The following KCNN2 variants were observed in gnomAD, a reference collection of about 807,000 sequenced individuals.
The protein encoded by KCNN2 is small conductance calcium-activated potassium channel protein 2.
In KCNN2, 24 loss-of-function variants were observed where a neutral mutation model predicts 55.5. The observed-to-expected ratio is 0.43, with a 90% CI of 0.31 to 0.61. The LOEUF is 0.61. Ranked by LOEUF, KCNN2 falls within the 20% of genes least tolerant of loss-of-function variation. KCNN2 has a pLI of 0.08. For synonymous variants in KCNN2, 431 were observed against 336.1 expected (o/e 1.28, Z -3.09); for missense variants, 754 against 853.6 (o/e 0.88, Z 1.45).
chr5:114,254,617 A>G (rs1017808576), intron 2 of KCNN2, among the ~76,000 whole-genome samples: 2 of 152,180 alleles, frequency 1.3e-5, no homozygotes, highest in Middle Eastern at 3.2e-3. Context: ...TTCAGAAAAA[A>G]AGTAATCCTA....
chr5:114,278,257 T>C (rs188290260), intron 2 of KCNN2, among the ~76,000 whole-genome samples: 5 of 152,300 alleles, frequency 3.3e-5, no homozygotes, highest in Admixed American at 2.0e-4. Context: ...ATGAGGTATC[T>C]GTTGGCCCCT....
chr5:114,448,180 A>G (rs1350306487), intron 3 of KCNN2, among the ~76,000 whole-genome samples: 1 of 152,140 alleles, frequency 6.6e-6, no homozygotes, highest in Non-Finnish European at 1.5e-5. Flanking sequence ...CAGCTCCCCT[A>G]TCTCATCCTT....
At chr5:114,357,143 A>G (rs1240255905), upstream of KCNN2, among the ~76,000 whole-genome samples, 1 of 152,140 alleles carries the variant, frequency 6.6e-6, no homozygotes, top group East Asian at 1.9e-4. Flanking sequence ...GAATTTGGAA[A>G]TATACCAAAA....
chr5:114,270,885 G>A (rs1365739479), intron 2 of KCNN2, among the ~76,000 whole-genome samples: 1 of 152,160 alleles, frequency 6.6e-6, no homozygotes, highest in East Asian at 1.9e-4. Context: ...CTTCCTTCGG[G>A]TGGGTTCGTG....
At chr5:114,483,595 G>C (rs569535441) in intron 5 of KCNN2, among the ~76,000 whole-genome samples, 1 of 152,042 alleles carries the variant, frequency 6.6e-6, no homozygotes, top group Non-Finnish European at 1.5e-5. Context: ...ATATATTTTA[G>C]AGCCTTTGCT....
intron 1 of KCNN2, among the ~76,000 whole-genome samples, chr5:114,186,695 A>G (rs2112558426): frequency 6.6e-6 from 1 of 152,316 alleles, no homozygotes; most frequent in East Asian, 1.9e-4. Flanking sequence ...TTATTTGGAA[A>G]TTATACGTGA....
intron 6 of KCNN2, among the ~76,000 whole-genome samples, chr5:114,490,263 G>C (rs778721693): frequency 6.6e-6 from 1 of 152,070 alleles, no homozygotes; most frequent in African/African-American, 2.4e-5. Context: ...GAAACCCCAG[G>C]CTTCTGAGTT....
chr5:114,482,826 TGAG>T (rs1275321242), intron 5 of KCNN2, among the ~76,000 whole-genome samples: 1 of 152,076 alleles, frequency 6.6e-6, no homozygotes, highest in Non-Finnish European at 1.5e-5. Context: ...AGCTGAATGA[TGAG>T]AATACATGGA....
chr5:114,187,663 A>C (rs1183144512), intron 1 of KCNN2, among the ~76,000 whole-genome samples: 2 of 150,606 alleles, frequency 1.3e-5, no homozygotes, highest in East Asian at 3.9e-4. Context: ...CCACCACTGC[A>C]CCCGGCTAAT....
chr5:114,336,041 C>T (rs778364445), intron 2 of KCNN2, among the ~76,000 whole-genome samples: 3 of 152,116 alleles, frequency 2.0e-5, no homozygotes, highest in African/African-American at 4.8e-5. Context: ...AAAATTGATC[C>T]CTTGAAGACA....
In KCNN2 at chr5:114,320,420, T is replaced by C. The variant is rs577896453; in HGVS notation, c.-184-40525T>C. On this transcript the variant is annotated intron_variant, in intron 2 of 10. Coordinates refer to the KCNN2 transcript ENST00000512097. ...TGAGGTCAGGAGATCAAGACCATCC[T>C]GGCTAACATGGTGAAACACCGTCTC... 4.4e-4 allele frequency among the ~76,000 whole-genome samples: 67 copies of C among 152,202 alleles called. 1 individual carries two copies. Among genetic ancestry groups the C allele is most frequent in the Non-Finnish European group, 1.6e-4 (11 of 67,992 alleles).
At chr5:114,202,587 T>A (rs868582767) in intron 1 of KCNN2, among the ~76,000 whole-genome samples, 2,180 of 87,954 alleles carry the variant, frequency 0.025, 16 homozygotes, top group Non-Finnish European at 0.035. Context: ...ATATATATAT[T>A]TTTTTTTTTT....
intron 1 of KCNN2, among the ~76,000 whole-genome samples, chr5:114,196,301 G>C (rs2112567681): frequency 6.6e-6 from 1 of 151,908 alleles, no homozygotes; most frequent in South Asian, 2.1e-4. Flanking sequence ...TAACATCTGT[G>C]TTCATAAGGG....
At chr5:114,451,066 A>T (rs1760653005) in intron 3 of KCNN2, among the ~76,000 whole-genome samples, 1 of 152,250 alleles carries the variant, frequency 6.6e-6, no homozygotes, top group Non-Finnish European at 1.5e-5. Context: ...TGAAAGTTAT[A>T]TAGGTGTAAG....
intron 1 of KCNN2, among the ~76,000 whole-genome samples, chr5:114,195,685 C>T (rs1753541280): frequency 6.6e-6 from 1 of 151,824 alleles, no homozygotes; most frequent in African/African-American, 2.4e-5. Flanking sequence ...TTTTTATTGG[C>T]TAATTACTAT....
chr5:114,206,671 C>T (rs985300107), intron 1 of KCNN2, among the ~76,000 whole-genome samples: 6 of 152,116 alleles, frequency 3.9e-5, no homozygotes, highest in Admixed American at 6.6e-5. Flanking sequence ...TTCTTTCTCC[C>T]CTGACTCCAG....
intron 2 of KCNN2, among the ~76,000 whole-genome samples, chr5:114,335,055 C>G (rs1756896700): frequency 6.6e-6 from 1 of 152,154 alleles, no homozygotes; most frequent in South Asian, 2.1e-4. Flanking sequence ...TCCCGAGTAG[C>G]TGGGACTACA....
chr5:114,115,489 C>T (rs530992376), intron 1 of KCNN2, among the ~76,000 whole-genome samples: 10 of 152,024 alleles, frequency 6.6e-5, no homozygotes, highest in Non-Finnish European at 1.3e-4. Flanking sequence ...CCTACCTAAT[C>T]GCTTGGGTAA....
chr5:114,362,655 C>T lies in KCNN2; in HGVS notation c.516C>T (p.Ser172=). The change falls in exon 1 of 8, where the codon AGC becomes AGT. Residue 172 remains serine, a synonymous_variant. Coordinates refer to ENST00000673685, the MANE Select transcript of KCNN2 (RefSeq NM_021614.4). ...SLQPAASPTG[S]LGSLGSGPPL... is the part of the protein sequence containing the mutation. ...AGCCCGCCGCCAGCCCCACGGGCAG[C>T]CTCGGCAGTCTGGGCTCCGGGCCCC... The T allele has an allele frequency of 7.4e-7, 1 of 1,351,348 alleles. No individual in the cohort carries two copies. Among genetic ancestry groups the T allele is most frequent in the Non-Finnish European group, 9.7e-7 (1 of 1,025,674 alleles). 83.7% of individuals were successfully genotyped at this position (1,351,348 alleles called of 1,614,324 possible). A position where few individuals can be genotyped will look rare whatever the true frequency, so the allele number is the denominator to read the frequency against.
Sources: allele counts gnomAD v4.1 joint callset (sites outside exome capture counted in the v4.1 genomes callset), GRCh38; gene constraint gnomAD v4.1.1; transcripts MANE v1.5; gene names NCBI Gene and HGNC (gene_info 2026-07-23, HGNC 2026-07-21).